DLD: variants seen among roughly 807,000 people sequenced by gnomAD.
DLD encodes the protein dihydrolipoamide dehydrogenase.
Under a neutral mutation model 62.2 loss-of-function variants are expected in DLD, and 36 were observed. That is an observed-to-expected ratio of 0.58 (90% CI 0.44 to 0.76). The LOEUF (loss-of-function observed/expected upper bound fraction) is 0.76, where lower values mean the gene tolerates loss of function less well. Among genes scored for constraint, DLD ranks in the 30% least tolerant of loss-of-function variants. DLD has a pLI of 0.00. For synonymous variants in DLD, 204 were observed against 199.6 expected, an observed-to-expected ratio of 1.02 and a Z score of -0.19; for missense variants, 541 against 608.6, an observed-to-expected ratio of 0.89 and a Z score of 1.17.
At chr7:107,893,419 G>A in intron 2 of DLD, 141 bp downstream of exon 2, 1 of 672,884 alleles carries the variant, frequency 1.5e-6, no homozygotes, top group Non-Finnish European at 2.4e-6. Context: ...TCGTTTGAAT[G>A]TATATTGAGC....
intron 12 of DLD, among the ~76,000 whole-genome samples, chr7:107,918,587 C>G (rs1360429987): frequency 6.6e-6 from 1 of 152,172 alleles, no homozygotes; most frequent in African/African-American, 2.4e-5. Context: ...TAAGGGAAGC[C>G]TTTCCTACCA....
At chr7:107,893,772 T>C (rs1037985119) in intron 2 of DLD, among the ~76,000 whole-genome samples, 6 of 151,970 alleles carry the variant, frequency 3.9e-5, no homozygotes, top group South Asian at 2.1e-4. Context: ...ACCCATGCAA[T>C]GTAAAGTCGG....
chr7:107,894,679 G>A (rs2031674009), intron 2 of DLD, among the ~76,000 whole-genome samples: 1 of 152,150 alleles, frequency 6.6e-6, no homozygotes, highest in African/African-American at 2.4e-5. Flanking sequence ...AGATTATTCA[G>A]TGCCTTCTAT....
At chr7:107,893,509 T>C in intron 2 of DLD, 1 of 391,424 alleles carries the variant, frequency 2.6e-6, no homozygotes, top group South Asian at 4.5e-5. Flanking sequence ...AGACAAACAA[T>C]ATATAAGTAA....
intron 9 of DLD, among the ~76,000 whole-genome samples, chr7:107,916,111 T>C (rs567634338): frequency 1.5e-3 from 236 of 152,332 alleles, no homozygotes; most frequent in Non-Finnish European, 2.0e-3. Flanking sequence ...AAATAGTTAA[T>C]AGTATTTAAA....
intron 8 of DLD, among the ~76,000 whole-genome samples, chr7:107,906,744 A>G (rs1240344453): frequency 6.6e-6 from 1 of 152,078 alleles, no homozygotes; most frequent in African/African-American, 2.4e-5. Context: ...TCCCTTCTCT[A>G]TCCTCATCTT....
At chr7:107,902,434 T>C (rs912758362) in intron 4 of DLD, 41 bp downstream of exon 4, 25 of 1,564,798 alleles carry the variant, frequency 1.6e-5, no homozygotes, top group Non-Finnish European at 1.8e-5. Flanking sequence ...TGTTTTTGGC[T>C]AGCAACCAAC....
intron 8 of DLD, among the ~76,000 whole-genome samples, chr7:107,907,768 G>A (rs759306631): frequency 2.6e-5 from 4 of 152,148 alleles, no homozygotes; most frequent in Non-Finnish European, 4.4e-5. Flanking sequence ...ACACAGGTTT[G>A]TGTGCACATA....
intron 9 of DLD, 102 bp downstream of exon 9, chr7:107,915,798 T>C: frequency 9.9e-7 from 1 of 1,014,036 alleles, no homozygotes; most frequent in Non-Finnish European, 1.5e-6. Flanking sequence ...TTTTCTAACT[T>C]AAGGTCATTT....
chr7:107,912,733 T>C (rs554745415), intron 8 of DLD, among the ~76,000 whole-genome samples: 11 of 152,272 alleles, frequency 7.2e-5, no homozygotes, highest in African/African-American at 2.6e-4. Context: ...TTTGCAAATA[T>C]TTTCTTCCTT....
At chr7:107,908,637 A>T (rs955557158) in intron 8 of DLD, among the ~76,000 whole-genome samples, 1 of 150,992 alleles carries the variant, frequency 6.6e-6, no homozygotes, top group African/African-American at 2.4e-5. Context: ...AGTGCACTCC[A>T]TCCTGGGCAA....
intron 2 of DLD, among the ~76,000 whole-genome samples, chr7:107,894,552 C>T (rs2031669938): frequency 6.6e-6 from 1 of 152,324 alleles, no homozygotes; most frequent in East Asian, 1.9e-4. Context: ...TACACTTTGT[C>T]TCTTGTTAAA....
chr7:107,914,927 T>C (rs1480689418), intron 8 of DLD, among the ~76,000 whole-genome samples: 2 of 152,218 alleles, frequency 1.3e-5, no homozygotes, highest in Non-Finnish European at 2.9e-5. Flanking sequence ...AGTTTAATAT[T>C]CTGCAAACAT....
chr7:107,910,091 A>G (rs2116240812), intron 8 of DLD, among the ~76,000 whole-genome samples: 1 of 152,010 alleles, frequency 6.6e-6, no homozygotes, highest in East Asian at 1.9e-4. Flanking sequence ...TCCTGACCTC[A>G]TGATCCGTCT....
chr7:107,898,362 C>T (rs924714076), intron 2 of DLD, among the ~76,000 whole-genome samples: 1 of 144,710 alleles, frequency 6.9e-6, no homozygotes, highest in Non-Finnish European at 1.5e-5. Context: ...TTCACTGCGA[C>T]GTCCCCCTCC....
In DLD at chr7:107,917,376, A is replaced by T. The variant is rs754279159; in HGVS notation, c.1150A>T (p.Ile384Phe). The T allele has an allele frequency of 1.9e-6, 3 of 1,614,054 alleles. No individual in the cohort carries two copies. The highest frequency in any genetic ancestry group is 2.2e-5 in the East Asian group (1 of 44,892). The change falls in exon 11 of 14, where the codon ATT (isoleucine) becomes TTT (phenylalanine). Residue 384 changes from isoleucine to phenylalanine, a missense_variant. Ile to Phe is a conservative substitution (Grantham distance 21, BLOSUM62 0). Coordinates refer to ENST00000205402, the MANE Select transcript of DLD (RefSeq NM_000108.5). ...VEGMAGGAVHIDYNCVPSVIY... is the reference protein window; with the variant it reads ...VEGMAGGAVHFDYNCVPSVIY... Reference sequence around the variant, plus strand: ...AGGAATGGCTGGTGGTGCTGTGCACATTGACTACAATTGTGTGCCATCAGT... The same window carrying T: ...AGGAATGGCTGGTGGTGCTGTGCACTTTGACTACAATTGTGTGCCATCAGT...
rs1458498822 is a variant in DLD, at chr7:107,920,591, TG to T, written c.*1333del. 1.3e-5 allele frequency: 2 copies of T among 152,240 alleles called. No homozygotes were observed. Among genetic ancestry groups the T allele is most frequent in the Non-Finnish European group, 2.9e-5 (2 of 68,052 alleles). 9.4% of individuals were successfully genotyped at this position (152,240 alleles called of 1,614,324 possible). Reference sequence around the variant, plus strand: ...CTGCTGGAAGTCTTTCCCATGCAAGTGTGTAGTTCAGGGGTCAACCAGAGTT... The same window carrying T: ...CTGCTGGAAGTCTTTCCCATGCAAGTTGTAGTTCAGGGGTCAACCAGAGTT... On this transcript the variant is annotated 3_prime_UTR_variant, in exon 14 of 14. Transcript: ENST00000205402.
Position 107,915,678 on chromosome 7 carries a change from A to G in DLD, c.857A>G (p.Asp286Gly), listed in dbSNP as rs192349677. The change falls in exon 9 of 14, where the codon GAT becomes GGT. Residue 286 changes from aspartate (D) to glycine (G), a missense_variant. Coordinates refer to ENST00000205402, the MANE Select transcript of DLD (RefSeq NM_000108.5). ...GTTACTGGTGCTACCAAGAAGTCAG[A>G]TGGAAAAATTGATGTTTCGTAAGTA... Reference protein sequence around the residue: ...TKVTGATKKSDGKIDVSIEAA... With the variant: ...TKVTGATKKSGGKIDVSIEAA... The G allele has an allele frequency of 6.2e-7, 1 of 1,613,686 alleles. No homozygotes were observed. Among genetic ancestry groups the G allele is most frequent in the Non-Finnish European group, 8.5e-7 (1 of 1,179,770 alleles).
intron 2 of DLD, among the ~76,000 whole-genome samples, chr7:107,897,268 G>A (rs1021133525): frequency 6.6e-6 from 1 of 152,138 alleles, no homozygotes; most frequent in African/African-American, 2.4e-5. Flanking sequence ...TTTAGTTGAA[G>A]TTCTTGATTG....
Sources: gnomAD v4.1 joint callset for allele counts (sites outside exome capture counted in the v4.1 genomes callset) on GRCh38, gnomAD v4.1.1 for gene constraint, MANE v1.5 for transcripts, NCBI Gene and HGNC (gene_info 2026-07-23, HGNC 2026-07-21) for gene names.